The following TMEM63A variants were observed in gnomAD, a reference collection of about 807,000 sequenced individuals.
The protein encoded by TMEM63A is mechanosensitive cation channel TMEM63A.
A neutral mutation model predicts 100.6 loss-of-function variants in TMEM63A; 76 were observed. The ratio of observed to expected loss-of-function variants is 0.76; its 90% CI spans 0.63 to 0.91. The LOEUF (loss-of-function observed/expected upper bound fraction) is 0.91. TMEM63A is among the 40% of genes least tolerant of loss of function. TMEM63A has a pLI of 0.00. For missense variants in TMEM63A, 876 were observed against 1,008.8 expected (o/e 0.87, Z 1.78); for synonymous variants, 401 against 401.1 (o/e 1.00, Z 0.00).
chr1:225,848,821 C>T (rs1232941631), intron 22 of TMEM63A, 76 bp downstream of exon 22: 8 of 1,178,726 alleles, frequency 6.8e-6, no homozygotes, highest in East Asian at 2.6e-5. Context: ...CAAGGGTGGG[C>T]GGGGTTGACA....
rs1670868077 is a variant in TMEM63A, at chr1:225,877,542, C to T, written c.39G>A (p.Lys13=). ...DSPFLELWQS[K]AVSIREQLGL... is the part of the protein sequence containing the mutation. ...CCAGCTGCTCCCTGATGGACACTGC[C>T]TTGGACTGCCACAGCTCCAGGAACG... Residue 13 remains lysine (K), a synonymous_variant, in exon 3 of 25, where the codon AAG becomes AAA. Transcript: ENST00000366835. 2 of 1,614,134 alleles carry T rather than the reference C, an allele frequency of 1.2e-6. No homozygotes were observed. The highest frequency in any genetic ancestry group is 1.7e-6 in the Non-Finnish European group (2 of 1,179,992).
chr1:225,869,827 T>C (rs926868046), intron 6 of TMEM63A, among the ~76,000 whole-genome samples: 2 of 151,516 alleles, frequency 1.3e-5, no homozygotes, highest in Non-Finnish European at 2.9e-5. Context: ...CAAGCCTGGC[T>C]AATTTTTGTA....
At chr1:225,852,836 A>C in intron 19 of TMEM63A, 67 bp from the exon 20 acceptor site, 2 of 1,414,336 alleles carry the variant, frequency 1.4e-6, no homozygotes, top group Non-Finnish European at 2.0e-6. Context: ...TGTGCTCTCT[A>C]AGTGGTGATG....
chr1:225,859,502 G>A (rs1482654727), intron 14 of TMEM63A, 153 bp from the exon 15 acceptor site: 1 of 878,324 alleles, frequency 1.1e-6, no homozygotes, highest in African/African-American at 1.7e-5. Context: ...CAAATCTTAG[G>A]TCCCCAAGAG....
intron 3 of TMEM63A, among the ~76,000 whole-genome samples, chr1:225,874,671 G>A (rs1670685712): frequency 6.6e-6 from 1 of 152,246 alleles, no homozygotes; most frequent in Non-Finnish European, 1.5e-5. Context: ...TCTCAAGGCA[G>A]CGGTAACACC....
intron 2 of TMEM63A, 82 bp downstream of exon 2, chr1:225,879,126 TTAAAATCCCCCA>T: frequency 6.6e-6 from 1 of 152,308 alleles, no homozygotes; most frequent in South Asian, 2.1e-4. Context: ...TGGCTTCCCT[TTAAAATCCCCCA>T]GTGGCACCAC....
chr1:225,875,337 C>T (rs774016095), intron 3 of TMEM63A, among the ~76,000 whole-genome samples: 34 of 152,212 alleles, frequency 2.2e-4, no homozygotes, highest in Non-Finnish European at 4.3e-4. Flanking sequence ...CCCCACAGTC[C>T]ACCTTGGCAG....
chr1:225,862,168 AG>A lies in TMEM63A; in HGVS notation c.1085+49del, dbSNP rs755591510. The A allele has an allele frequency of 3.5e-5, 57 of 1,606,410 alleles. No homozygotes were observed. Among genetic ancestry groups the A allele is most frequent in the Non-Finnish European group, 4.8e-5 (57 of 1,175,798 alleles). On this transcript the variant is annotated intron_variant, in intron 13 of 24. Transcript: ENST00000366835. The surrounding 1 kb of genome is among the most constrained non-coding windows in gnomAD (Gnocchi z 5.1). The stretch of plus-strand genomic sequence containing the variant: ...TCGAGAGGGACAGTGAGTTATCTGG[AG>A]GGGAACAGGGAGTCAGCCAAGAAGG...
At position 225,846,268 on chromosome 1, in the gene TMEM63A, A is replaced by G. The variant is rs2740174; in HGVS notation, c.*671T>C. 16,299 of 152,606 alleles carry G rather than the reference A, an allele frequency of 0.11. 1,007 individuals carry two copies. The highest frequency in any genetic ancestry group is 0.24 in the South Asian group (1,173 of 4,834). 9.5% of individuals were successfully genotyped at this position (152,606 alleles called of 1,614,324 possible). A position where few individuals can be genotyped will look rare whatever the true frequency, so the allele number is the denominator to read the frequency against. ...CCTGGAGGTGCAGACTCATGCACTC[A>G]GCCCTGAAGAGGTGAGAGAGGCTGG... is the stretch of plus-strand genomic sequence containing the variant. On this transcript the variant is annotated 3_prime_UTR_variant, in exon 25 of 25. Coordinates refer to ENST00000366835, the MANE Select transcript of TMEM63A (RefSeq NM_014698.3).
Position 225,862,916 on chromosome 1 carries a change from C to A in TMEM63A, c.747-65G>T. ...AAAAGAAAACACCCCAAGCAGGAGA[C>A]GTGCCCACGGATCCAAGGGAAAGGA... is the stretch of plus-strand genomic sequence containing the variant. On this transcript the variant is annotated intron_variant, in intron 10 of 24. Coordinates refer to ENST00000366835, the MANE Select transcript of TMEM63A (RefSeq NM_014698.3). This position sits in a 1 kb window ranked among gnomAD's most constrained non-coding sequence, Gnocchi z 5.1. 1 of 1,455,590 alleles carries A rather than the reference C, an allele frequency of 6.9e-7. No homozygotes were observed. Among genetic ancestry groups the A allele is most frequent in the Non-Finnish European group, 9.5e-7 (1 of 1,051,852 alleles). 90.2% of individuals were successfully genotyped at this position (1,455,590 alleles called of 1,614,324 possible).
intron 3 of TMEM63A, among the ~76,000 whole-genome samples, chr1:225,875,639 T>C (rs937734813): frequency 6.6e-6 from 1 of 152,196 alleles, no homozygotes; most frequent in Non-Finnish European, 1.5e-5. Context: ...AGCAGGTGCC[T>C]GCCCTCTCTG....
Position 225,874,246 on chromosome 1 carries a change from G to A in TMEM63A, c.266+42C>T, listed in dbSNP as rs112021151. 6.6e-4 allele frequency: 1,035 copies of A among 1,577,472 alleles called. 3 individuals carry two copies. Among genetic ancestry groups the A allele is most frequent in the Middle Eastern group, 3.2e-3 (19 of 5,932 alleles). On this transcript the variant is annotated intron_variant, in intron 4 of 24. Coordinates refer to ENST00000366835, the MANE Select transcript of TMEM63A (RefSeq NM_014698.3). ...CTCACGCACATATACACACTCACAC[G>A]TACGCACACGCATGCTCACAGCCTA... is the stretch of plus-strand genomic sequence containing the variant.
chr1:225,872,819 G>A (rs375284760), intron 4 of TMEM63A, among the ~76,000 whole-genome samples: 6 of 150,276 alleles, frequency 4.0e-5, no homozygotes, highest in South Asian at 2.1e-4. Flanking sequence ...TCAGTCTCCC[G>A]AGTAGCTGGG....
In TMEM63A at chr1:225,867,088, T is replaced by C. The variant is rs771736457; in HGVS notation, c.566+24A>G. Reference sequence around the variant, plus strand: ...CTCCTTGATCTCACCCATCAGCACCTATCCCCACGGGCTCCATACTCACTC... The same window carrying C: ...CTCCTTGATCTCACCCATCAGCACCCATCCCCACGGGCTCCATACTCACTC... On this transcript the variant is annotated intron_variant, in intron 8 of 24. Coordinates refer to ENST00000366835, the MANE Select transcript of TMEM63A (RefSeq NM_014698.3). This position sits in a 1 kb window ranked among gnomAD's most constrained non-coding sequence, Gnocchi z 4.6. 15 of 1,613,804 alleles carry C rather than the reference T, an allele frequency of 9.3e-6. No individual in the cohort carries two copies. Among genetic ancestry groups the C allele is most frequent in the Non-Finnish European group, 1.3e-5 (15 of 1,179,812 alleles).
At chr1:225,848,327 C>T (rs769310326) in intron 23 of TMEM63A, 165 bp downstream of exon 23, 42 of 666,708 alleles carry the variant, frequency 6.3e-5, no homozygotes, top group Admixed American at 2.1e-4. Context: ...GTTAAAATAC[C>T]CAGGGGGACC....
intron 5 of TMEM63A, chr1:225,871,621 A>G (rs1440321882): frequency 3.6e-6 from 1 of 278,662 alleles, no homozygotes. Context: ...AACACCTACT[A>G]TGCATCAGGC....
Position 225,865,838 on chromosome 1 carries a change from G to T in TMEM63A, c.746+59C>A. The T allele has an allele frequency of 6.3e-7, 1 of 1,575,672 alleles. No individual in the cohort carries two copies. The highest frequency in any genetic ancestry group is 8.7e-7 in the Non-Finnish European group (1 of 1,149,554). On this transcript the variant is annotated intron_variant, in intron 10 of 24. Coordinates refer to ENST00000366835, the MANE Select transcript of TMEM63A (RefSeq NM_014698.3). This position sits in a 1 kb window ranked among gnomAD's most constrained non-coding sequence, Gnocchi z 4.6. ...CACCTAAGGTGCTCGCCCTGCGGGT[G>T]GGGCTGTGTTGGTCCTACGTGGAGG...
At chr1:225,878,996 C>A (rs1393012244) in intron 2 of TMEM63A, among the ~76,000 whole-genome samples, 2 of 152,150 alleles carry the variant, frequency 1.3e-5, no homozygotes, top group African/African-American at 2.4e-5. Context: ...AAGTGACTTT[C>A]TCAACCTTCT....
intron 17 of TMEM63A, among the ~76,000 whole-genome samples, chr1:225,856,207 G>A (rs1669600207): frequency 6.6e-6 from 1 of 151,774 alleles, no homozygotes. Flanking sequence ...TAGAGATGGG[G>A]TTTCGCCAGA....
Sources: gnomAD v4.1 joint callset for allele counts (sites outside exome capture counted in the v4.1 genomes callset) on GRCh38, gnomAD v4.1.1 for gene constraint, Gnocchi (gnomAD v3.1) non-coding constraint, MANE v1.5 for transcripts, NCBI Gene and HGNC (gene_info 2026-07-23, HGNC 2026-07-21) for gene names.